SNRPN: variants seen among roughly 807,000 people sequenced by gnomAD.
SNRPN encodes the protein small nuclear ribonucleoprotein polypeptide N.
Under a neutral mutation model 25.2 loss-of-function variants are expected in SNRPN, and 7 were observed. The ratio of observed to expected loss-of-function variants is 0.28; its 90% CI spans 0.16 to 0.52. SNRPN has a LOEUF of 0.52. Ranked by LOEUF, SNRPN falls within the 20% of genes least tolerant of loss-of-function variation. SNRPN has a pLI of 0.96. For missense variants in SNRPN, 196 were observed against 322.5 expected, an observed-to-expected ratio of 0.61 and a Z score of 3.00; for synonymous variants, 124 against 110.6, an observed-to-expected ratio of 1.12 and a Z score of -0.76.
chr15:24,836,256 C>A (rs190229803), intron 2 of SNRPN, among the ~76,000 whole-genome samples: 2 of 152,008 alleles, frequency 1.3e-5, no homozygotes, highest in Non-Finnish European at 2.9e-5. Flanking sequence ...TTACCTTAAT[C>A]ATCTAATAGA....
upstream of SNRPN, among the ~76,000 whole-genome samples, chr15:24,855,525 C>T (rs1404343826): frequency 1.3e-5 from 2 of 152,102 alleles, no homozygotes; most frequent in Non-Finnish European, 2.9e-5. Flanking sequence ...CGCAGTGGCT[C>T]ATGCCTGTAA....
chr15:24,955,066 AGCTGTGCC>A lies in SNRPN; in HGVS notation c.-391+6_-391+13del. ...GTGACGCGATGGAGCGGGCAAGGTC[AGCTGTGCC>A]GGTGGCTTCTCTCAAGAGACAGCCT... On this transcript the variant is annotated splice_donor_5th_base_variant and intron_variant, in intron 1 of 9. Transcript: ENST00000390687. 1 of 1,613,558 alleles carries A rather than the reference AGCTGTGCC, an allele frequency of 6.2e-7. No individual in the cohort carries two copies. The highest frequency in any genetic ancestry group is 1.1e-5 in the South Asian group (1 of 91,036).
intron 1 of SNRPN, among the ~76,000 whole-genome samples, chr15:24,864,112 C>T (rs1011529052): frequency 9.5e-5 from 14 of 148,018 alleles, no homozygotes; most frequent in Admixed American, 2.0e-4. Flanking sequence ...CTGCAAGCTC[C>T]GCCTCCCGGG....
intron 1 of SNRPN, among the ~76,000 whole-genome samples, chr15:24,878,126 G>C: frequency 6.6e-6 from 1 of 152,214 alleles, no homozygotes; most frequent in East Asian, 1.9e-4. Context: ...TACCACTACA[G>C]TTCACAAAAT....
intron 2 of SNRPN, among the ~76,000 whole-genome samples, chr15:24,899,193 C>T (rs2058281852): frequency 6.6e-6 from 1 of 152,188 alleles, no homozygotes. Context: ...TTTCTCCCAA[C>T]ACTTTCTATT....
chr15:24,858,981 T>A (rs2053722624), intron 1 of SNRPN, among the ~76,000 whole-genome samples: 1 of 151,944 alleles, frequency 6.6e-6, no homozygotes, highest in Non-Finnish European at 1.5e-5. Context: ...GAAAGGAGAC[T>A]AGCTCTCTAG....
intron 3 of SNRPN, among the ~76,000 whole-genome samples, chr15:24,938,714 G>A (rs940773861): frequency 6.6e-6 from 1 of 152,126 alleles, no homozygotes; most frequent in Non-Finnish European, 1.5e-5. Flanking sequence ...GCCTTTACTG[G>A]GGACTCCAAG....
chr15:24,843,973 A>G (rs2051951131), intron 2 of SNRPN, among the ~76,000 whole-genome samples: 1 of 136,684 alleles, frequency 7.3e-6, no homozygotes, highest in South Asian at 2.2e-4. Flanking sequence ...CTCTGTCTTG[A>G]AAAAAAAAAA....
intron 3 of SNRPN, among the ~76,000 whole-genome samples, chr15:24,925,061 A>G (rs1354436415): frequency 6.6e-6 from 1 of 152,116 alleles, no homozygotes; most frequent in Non-Finnish European, 1.5e-5. Context: ...GAACACAGTA[A>G]GTACACAATC....
intron 2 of SNRPN, among the ~76,000 whole-genome samples, chr15:24,906,366 C>G (rs1427096963): frequency 6.6e-6 from 1 of 152,144 alleles, no homozygotes; most frequent in African/African-American, 2.4e-5. Context: ...CTCCCAAGCT[C>G]AACTGATTCA....
chr15:24,920,061 C>G (rs1244091300), exon 3 of SNRPN: 3 of 152,168 alleles, frequency 2.0e-5, no homozygotes, highest in African/African-American at 7.2e-5. Flanking sequence ...TACTCTTCCA[C>G]CAGAATCTCC....
At chr15:24,947,047 T>A (rs1253779769) in intron 3 of SNRPN, among the ~76,000 whole-genome samples, 1 of 152,210 alleles carries the variant, frequency 6.6e-6, no homozygotes, top group Non-Finnish European at 1.5e-5. Context: ...CTCTAAAGTA[T>A]CATTTCCAAT....
chr15:24,933,104 A>G (rs1450273848), intron 3 of SNRPN, among the ~76,000 whole-genome samples: 1 of 152,124 alleles, frequency 6.6e-6, no homozygotes, highest in Non-Finnish European at 1.5e-5. Context: ...TCTACAAAAA[A>G]TAAAATTAGC....
chr15:24,920,416 C>T (rs545570480), intron 3 of SNRPN: 1 of 152,234 alleles, frequency 6.6e-6, no homozygotes, highest in African/African-American at 2.4e-5. Flanking sequence ...ATTAGTATCA[C>T]CTGGGGGCTT....
upstream of SNRPN, among the ~76,000 whole-genome samples, chr15:24,953,201 A>G (rs1417487005): frequency 6.6e-6 from 1 of 152,236 alleles, no homozygotes. Flanking sequence ...TGTGGTCAAG[A>G]GTCAAAGCTA....
At chr15:24,915,382 A>G (rs1566905393) in intron 2 of SNRPN, among the ~76,000 whole-genome samples, 1 of 152,046 alleles carries the variant, frequency 6.6e-6, no homozygotes, top group South Asian at 2.1e-4. Context: ...CGCTTCGGCC[A>G]CCCAAGGTGC....
chr15:24,852,765 A>C (rs1006034983), upstream of SNRPN, among the ~76,000 whole-genome samples: 2 of 152,152 alleles, frequency 1.3e-5, no homozygotes, highest in African/African-American at 4.8e-5. Context: ...TTTCTAAAAA[A>C]AATGCAAAAA....
chr15:24,915,074 T>C (rs2059430365), intron 2 of SNRPN, among the ~76,000 whole-genome samples: 2 of 151,936 alleles, frequency 1.3e-5, no homozygotes, highest in Admixed American at 1.3e-4. Flanking sequence ...ATGAACCTGA[T>C]CAGATATCAA....
At chr15:24,956,178 G>A (rs1390422111) in intron 1 of SNRPN, among the ~76,000 whole-genome samples, 1 of 152,186 alleles carries the variant, frequency 6.6e-6, no homozygotes, top group East Asian at 1.9e-4. Flanking sequence ...TCTTTTGACT[G>A]ATAGGCCAGG....
Sources: gnomAD v4.1 joint callset for allele counts (sites outside exome capture counted in the v4.1 genomes callset) on GRCh38, gnomAD v4.1.1 for gene constraint, MANE v1.5 for transcripts, NCBI Gene and HGNC (gene_info 2026-07-23, HGNC 2026-07-21) for gene names.